The following PTPRG variants were observed in gnomAD, a reference collection of about 807,000 sequenced individuals.
The protein encoded by PTPRG is receptor-type tyrosine-protein phosphatase gamma.
PTPRG carries 102 observed loss-of-function variants against 165.3 expected under a neutral mutation model. The observed-to-expected ratio is 0.62, with a 90% CI of 0.53 to 0.73. PTPRG has a LOEUF of 0.73. PTPRG is among the 30% of genes least tolerant of loss of function. The probability of loss-of-function intolerance (pLI) is 0.00; values close to 1 mark genes in which losing one functional copy is unlikely to be tolerated. For missense variants in PTPRG, 1,866 were observed against 1,861.4 expected (o/e 1.00, Z -0.05); for synonymous variants, 675 against 669.5 (o/e 1.01, Z -0.13).
chr3:62,278,281 A>T (rs958386578), intron 26 of PTPRG, among the ~76,000 whole-genome samples: 1 of 149,916 alleles, frequency 6.7e-6, no homozygotes, highest in African/African-American at 2.5e-5. Context: ...CTAATAGTGA[A>T]TTTTTTTTTC....
At chr3:62,175,867 C>G (rs1327476127) in intron 8 of PTPRG, among the ~76,000 whole-genome samples, 2 of 151,966 alleles carry the variant, frequency 1.3e-5, no homozygotes, top group Admixed American at 6.6e-5. Context: ...TTGCAAGGGC[C>G]CTGAGGCATG....
chr3:61,990,323 C>A (rs2040853943), intron 3 of PTPRG, among the ~76,000 whole-genome samples: 1 of 152,088 alleles, frequency 6.6e-6, no homozygotes, highest in Non-Finnish European at 1.5e-5. Flanking sequence ...GCCAAATATG[C>A]AAATGGAAAC....
chr3:62,215,334 G>A (rs995211844), intron 12 of PTPRG, among the ~76,000 whole-genome samples: 1 of 152,114 alleles, frequency 6.6e-6, no homozygotes, highest in Non-Finnish European at 1.5e-5. Context: ...AAATTCAGTC[G>A]CTCTTATTTT....
chr3:62,033,465 G>A (rs1009400991), intron 4 of PTPRG, among the ~76,000 whole-genome samples: 1 of 150,264 alleles, frequency 6.7e-6, no homozygotes, highest in African/African-American at 2.5e-5. Context: ...CCGGGCCCAA[G>A]TGATTCTCCC....
At chr3:61,693,053 G>A (rs960090649) in intron 1 of PTPRG, among the ~76,000 whole-genome samples, 2 of 152,016 alleles carry the variant, frequency 1.3e-5, no homozygotes, top group African/African-American at 4.8e-5. Flanking sequence ...TTATTAATTG[G>A]TTGCTATTCC....
chr3:62,276,028 G>C (rs1576211128), intron 24 of PTPRG, 62 bp downstream of exon 24: 108 of 1,239,856 alleles, frequency 8.7e-5, no homozygotes, highest in Non-Finnish European at 4.6e-6. Context: ...AGGTACAGAG[G>C]CAGCCACTAC....
At chr3:61,748,631 A>G (rs1290847585) in intron 1 of PTPRG, among the ~76,000 whole-genome samples, 1 of 152,004 alleles carries the variant, frequency 6.6e-6, no homozygotes, top group African/African-American at 2.4e-5. Flanking sequence ...ATGTATATGA[A>G]GTGCTTAGTG....
At chr3:61,691,635 G>A (rs541840176) in intron 1 of PTPRG, among the ~76,000 whole-genome samples, 2 of 152,270 alleles carry the variant, frequency 1.3e-5, no homozygotes, top group South Asian at 2.1e-4. Flanking sequence ...GTGTACATCT[G>A]TGTATTGTCC....
At position 62,231,319 on chromosome 3, in the gene PTPRG, G is replaced by A. The variant is rs1285437985; in HGVS notation, c.2375+8G>A. ...AGGAGAGAAGGGGAGCAGGTGAGGG[G>A]CGGTCAAGCTTAAGTGGGGGGCGTC... On this transcript the variant is annotated splice_region_variant and intron_variant, in intron 14 of 29. Coordinates refer to ENST00000474889, the MANE Select transcript of PTPRG (RefSeq NM_002841.4). 6.3e-7 allele frequency: 1 copy of A among 1,574,958 alleles called. No homozygotes were observed. The highest frequency in any genetic ancestry group is 8.6e-7 in the Non-Finnish European group (1 of 1,161,932).
intron 2 of PTPRG, among the ~76,000 whole-genome samples, chr3:61,988,378 G>A (rs2040809498): frequency 6.6e-6 from 1 of 152,100 alleles, no homozygotes; most frequent in Non-Finnish European, 1.5e-5. Context: ...ACCAGTTTGG[G>A]GGGAATGGGG....
At chr3:62,124,736 A>T in intron 5 of PTPRG, 2 of 510,964 alleles carry the variant, frequency 3.9e-6, no homozygotes, top group Non-Finnish European at 7.0e-6. Flanking sequence ...GCTAATTTTT[A>T]AAATTCTTTT....
At chr3:61,600,102 G>A (rs1700809988) in intron 1 of PTPRG, among the ~76,000 whole-genome samples, 1 of 150,866 alleles carries the variant, frequency 6.6e-6, no homozygotes, top group Non-Finnish European at 1.5e-5. Context: ...AGAGGTTGCA[G>A]TGAGCCAAGA....
At chr3:61,875,504 GAA>G (rs2037712200) in intron 2 of PTPRG, among the ~76,000 whole-genome samples, 1 of 152,214 alleles carries the variant, frequency 6.6e-6, no homozygotes, top group East Asian at 1.9e-4. Flanking sequence ...GTTTCAAAAT[GAA>G]GAGTACCTAG....
At chr3:62,248,447 C>A (rs1434947806) in intron 15 of PTPRG, among the ~76,000 whole-genome samples, 1 of 152,116 alleles carries the variant, frequency 6.6e-6, no homozygotes, top group Non-Finnish European at 1.5e-5. Context: ...TGTCAGTCCC[C>A]TCATATGCTT....
intron 2 of PTPRG, among the ~76,000 whole-genome samples, chr3:61,789,673 G>T (rs2034814330): frequency 2.0e-5 from 3 of 152,152 alleles, no homozygotes; most frequent in South Asian, 4.1e-4. Flanking sequence ...AAAGATCAAT[G>T]TGTCTGTATT....
chr3:62,121,543 G>GTACCCAGC (rs1703074025), intron 5 of PTPRG, among the ~76,000 whole-genome samples: 1 of 152,106 alleles, frequency 6.6e-6, no homozygotes. Context: ...CTAGTCTTAG[G>GTACCCAGC]TACCCAGCTT....
intron 6 of PTPRG, among the ~76,000 whole-genome samples, chr3:62,142,763 A>G (rs1357030486): frequency 6.6e-6 from 1 of 152,180 alleles, no homozygotes; most frequent in African/African-American, 2.4e-5. Flanking sequence ...CCTTGTAGAG[A>G]TTAGAAACAG....
intron 14 of PTPRG, among the ~76,000 whole-genome samples, chr3:62,239,271 C>G (rs1208866315): frequency 6.6e-6 from 1 of 151,790 alleles, no homozygotes; most frequent in Non-Finnish European, 1.5e-5. Context: ...AGAATTAGAC[C>G]TAGATAGAAA....
At chr3:61,757,262 T>C (rs689127) in intron 2 of PTPRG, among the ~76,000 whole-genome samples, 58,815 of 151,976 alleles carry the variant, frequency 0.39, 11,598 homozygotes, top group Non-Finnish European at 0.44. Flanking sequence ...TTAATACTTA[T>C]ATTTCTATAA....
Sources: allele counts gnomAD v4.1 joint callset (sites outside exome capture counted in the v4.1 genomes callset), GRCh38; gene constraint gnomAD v4.1.1; transcripts MANE v1.5; gene names NCBI Gene and HGNC (gene_info 2026-07-23, HGNC 2026-07-21).